The following CCDC6 variants were observed in gnomAD, a reference collection of about 807,000 sequenced individuals.
CCDC6 encodes coiled-coil domain containing 6.
Under a neutral mutation model 56.6 loss-of-function variants are expected in CCDC6, and 20 were observed. The observed-to-expected ratio is 0.35, with a 90% CI of 0.25 to 0.51. The LOEUF (loss-of-function observed/expected upper bound fraction) is 0.51, where lower values mean the gene tolerates loss of function less well. Among genes scored for constraint, CCDC6 ranks in the 20% least tolerant of loss-of-function variants. The pLI is 0.95. For missense variants in CCDC6, 367 were observed against 601.1 expected (o/e 0.61, Z 4.07); for synonymous variants, 241 against 234.4 (o/e 1.03, Z -0.26).
intron 1 of CCDC6, among the ~76,000 whole-genome samples, chr10:59,852,927 G>A (rs925306568): frequency 1.3e-5 from 2 of 152,134 alleles, no homozygotes; most frequent in African/African-American, 4.8e-5. Flanking sequence ...CCTTTACTAT[G>A]TGTGGTCCTT....
intron 1 of CCDC6, among the ~76,000 whole-genome samples, chr10:59,860,908 G>A (rs1298380342): frequency 6.6e-6 from 1 of 151,976 alleles, no homozygotes; most frequent in Admixed American, 6.6e-5. Context: ...AAGTAAGCTG[G>A]GTATGGCTGG....
intron 3 of CCDC6, among the ~76,000 whole-genome samples, chr10:59,821,509 T>C (rs768316263): frequency 4.6e-5 from 7 of 152,212 alleles, no homozygotes; most frequent in Non-Finnish European, 1.0e-4. Flanking sequence ...TCAGTCTGTG[T>C]TACAGATAAA....
intron 1 of CCDC6, among the ~76,000 whole-genome samples, chr10:59,870,811 G>A (rs1372640337): frequency 1.3e-5 from 2 of 152,184 alleles, no homozygotes; most frequent in African/African-American, 2.4e-5. Flanking sequence ...CTAACATCCC[G>A]CAAGATGGTA....
In CCDC6 at chr10:59,807,085, A is replaced by C; in HGVS notation, c.848-7T>G. On this transcript the variant is annotated splice_polypyrimidine_tract_variant and splice_region_variant and intron_variant, in intron 5 of 8. Transcript: ENST00000263102. ...TGTGCCATTTTCTCTGAATCTGAAA[A>C]GTCAGAGTTTTCAATTAAACCATGT... 6.2e-7 allele frequency: 1 copy of C among 1,612,496 alleles called. No individual in the cohort carries two copies. The highest frequency in any genetic ancestry group is 8.5e-7 in the Non-Finnish European group (1 of 1,179,508).
chr10:59,898,812 G>C (rs1409018224), intron 1 of CCDC6, among the ~76,000 whole-genome samples: 1 of 152,138 alleles, frequency 6.6e-6, no homozygotes, highest in African/African-American at 2.4e-5. Flanking sequence ...AAACAAAGGC[G>C]GGGGCAGAGA....
chr10:59,855,695 C>A (rs1194487736), intron 1 of CCDC6, among the ~76,000 whole-genome samples: 1 of 152,188 alleles, frequency 6.6e-6, no homozygotes, highest in East Asian at 1.9e-4. Flanking sequence ...ATACTTTGTA[C>A]AACCTTCCCA....
At chr10:59,805,844 A>G (rs1282198650) in intron 6 of CCDC6, among the ~76,000 whole-genome samples, 2 of 152,256 alleles carry the variant, frequency 1.3e-5, no homozygotes, top group East Asian at 3.8e-4. Flanking sequence ...TTTTAACAAT[A>G]AAGTCACTGT....
At chr10:59,830,833 C>A (rs1018072727) in intron 3 of CCDC6, among the ~76,000 whole-genome samples, 1 of 152,188 alleles carries the variant, frequency 6.6e-6, no homozygotes, top group Non-Finnish European at 1.5e-5. Flanking sequence ...ATAGCTAAAC[C>A]CTCTGGGTCA....
chr10:59,817,968 T>C (rs1307647923), intron 3 of CCDC6, among the ~76,000 whole-genome samples: 1 of 152,212 alleles, frequency 6.6e-6, no homozygotes, highest in East Asian at 1.9e-4. Flanking sequence ...AGGAAACCAC[T>C]AGCCTGCAAG....
chr10:59,821,672 T>C (rs571061748), intron 3 of CCDC6, among the ~76,000 whole-genome samples: 17 of 152,084 alleles, frequency 1.1e-4, no homozygotes, highest in Admixed American at 5.2e-4. Context: ...AGTCTGCCAG[T>C]GAGGAGCAAG....
At chr10:59,871,177 T>C (rs1212220781) in intron 1 of CCDC6, among the ~76,000 whole-genome samples, 1 of 152,124 alleles carries the variant, frequency 6.6e-6, no homozygotes, top group African/African-American at 2.4e-5. Context: ...TATATAAACA[T>C]GTATAAGTAT....
chr10:59,817,936 G>A (rs2070720732), intron 3 of CCDC6, among the ~76,000 whole-genome samples: 1 of 152,090 alleles, frequency 6.6e-6, no homozygotes, highest in Non-Finnish European at 1.5e-5. Flanking sequence ...AAGCAGCATG[G>A]CAAATCATCA....
chr10:59,796,740 G>A (rs1254036966), intron 7 of CCDC6, among the ~76,000 whole-genome samples: 1 of 152,172 alleles, frequency 6.6e-6, no homozygotes, highest in African/African-American at 2.4e-5. Flanking sequence ...GGCTGAGGCA[G>A]GCAGGTCACA....
chr10:59,803,856 AAT>A (rs2070596747), intron 7 of CCDC6, among the ~76,000 whole-genome samples: 1 of 152,234 alleles, frequency 6.6e-6, no homozygotes, highest in Non-Finnish European at 1.5e-5. Context: ...AATCACTGGA[AAT>A]ATCAGGAGGC....
At chr10:59,850,848 T>C (rs757783381) in intron 2 of CCDC6, among the ~76,000 whole-genome samples, 2 of 152,204 alleles carry the variant, frequency 1.3e-5, no homozygotes, top group Non-Finnish European at 2.9e-5. Flanking sequence ...TACACAACTA[T>C]AAATAACTTC....
chr10:59,892,631 G>T (rs1240067600), intron 1 of CCDC6, among the ~76,000 whole-genome samples: 1 of 152,184 alleles, frequency 6.6e-6, no homozygotes, highest in African/African-American at 2.4e-5. Context: ...GGGTGGGGAA[G>T]TACTAATAAT....
intron 1 of CCDC6, among the ~76,000 whole-genome samples, chr10:59,878,203 A>C (rs1305052926): frequency 6.6e-6 from 1 of 152,214 alleles, no homozygotes; most frequent in Non-Finnish European, 1.5e-5. Flanking sequence ...AGAGTTTAGA[A>C]ATTTTTCTTG....
At chr10:59,889,308 G>A (rs915989044) in intron 1 of CCDC6, among the ~76,000 whole-genome samples, 1 of 152,208 alleles carries the variant, frequency 6.6e-6, no homozygotes, top group Non-Finnish European at 1.5e-5. Context: ...GAGGCAGGAG[G>A]AAGATGGATA....
chr10:59,818,934 C>T lies in CCDC6; in HGVS notation c.583-4179G>A, dbSNP rs371407735. Among the ~76,000 whole-genome samples the T allele has an allele frequency of 1.2e-4, 18 of 152,194 alleles. No individual in the cohort carries two copies. In the South Asian group the frequency reaches 2.1e-3, roughly 18 times the overall value. On this transcript the variant is annotated intron_variant, in intron 3 of 8. Transcript: ENST00000263102. ...TTGAACTGTGAGTTGGGAGGAGGTG[C>T]TCCTTACAATTTTTACTTTGCAAAC...
Sources: gnomAD v4.1 joint callset for allele counts (sites outside exome capture counted in the v4.1 genomes callset) on GRCh38, gnomAD v4.1.1 for gene constraint, MANE v1.5 for transcripts, NCBI Gene and HGNC (gene_info 2026-07-23, HGNC 2026-07-21) for gene names.